Variants in R3HCC1L observed in about 807,000 individuals in gnomAD.
R3HCC1L encodes coiled-coil domain-containing protein R3HCC1L.
A neutral mutation model predicts 59.9 loss-of-function variants in R3HCC1L; 51 were observed. That is an observed-to-expected ratio of 0.85 (90% CI 0.68 to 1.07). R3HCC1L has a LOEUF of 1.07. Among genes scored for constraint, R3HCC1L ranks in the 50% least tolerant of loss-of-function variants. The probability of loss-of-function intolerance (pLI) is 0.00; values close to 1 mark genes in which losing one functional copy is unlikely to be tolerated. For synonymous variants in R3HCC1L, 322 were observed against 315.2 expected, an observed-to-expected ratio of 1.02 and a Z score of -0.23; for missense variants, 965 against 933.0, an observed-to-expected ratio of 1.03 and a Z score of -0.45.
intron 6 of R3HCC1L, among the ~76,000 whole-genome samples, chr10:98,232,142 C>T (rs1856467986): frequency 6.6e-6 from 1 of 152,066 alleles, no homozygotes; most frequent in African/African-American, 2.4e-5. Context: ...GTGTGTGTCA[C>T]CATGCCTGGC....
intron 9 of R3HCC1L, among the ~76,000 whole-genome samples, chr10:98,237,025 C>T (rs1288449958): frequency 6.6e-6 from 1 of 152,200 alleles, no homozygotes; most frequent in East Asian, 1.9e-4. Flanking sequence ...TCTAACAAGG[C>T]CATTAATACG....
chr10:98,153,526 G>T (rs1846493332), intron 1 of R3HCC1L, among the ~76,000 whole-genome samples: 2 of 148,606 alleles, frequency 1.3e-5, no homozygotes, highest in South Asian at 2.1e-4. Context: ...TTGTTCACTT[G>T]TTTGTCTGCT....
chr10:98,138,090 T>G (rs1844769210), intron 1 of R3HCC1L, among the ~76,000 whole-genome samples: 1 of 152,190 alleles, frequency 6.6e-6, no homozygotes, highest in Admixed American at 6.5e-5. Context: ...AAAAATGGTT[T>G]GTTGGTCAAG....
intron 1 of R3HCC1L, among the ~76,000 whole-genome samples, chr10:98,135,537 G>A (rs142223836): frequency 2.4e-4 from 37 of 152,306 alleles, no homozygotes; most frequent in African/African-American, 8.9e-4. Flanking sequence ...GTCTAGGTCA[G>A]TTGAGTTTTA....
chr10:98,134,696 A>G lies in R3HCC1L; in HGVS notation c.-278A>G, dbSNP rs1844346523. On this transcript the variant is annotated 5_prime_UTR_variant, in exon 1 of 10. Coordinates refer to ENST00000298999, the MANE Select transcript of R3HCC1L (RefSeq NM_001351015.2). ...GCGGAGACGGCGGAAGCGGAGAGCA[A>G]CAGCGCGCCGGTAACAACCAGCCCC... 1 of 152,304 alleles carries G rather than the reference A, an allele frequency of 6.6e-6. No homozygotes were observed. The highest frequency in any genetic ancestry group is 1.5e-5 in the Non-Finnish European group (1 of 68,094). The allele number at this position is 152,304 out of a possible 1,614,324, so 9.4% of individuals were successfully genotyped here.
At position 98,225,463 on chromosome 10, in the gene R3HCC1L, A is replaced by G. The variant is rs537325603; in HGVS notation, c.1786-6049A>G. On this transcript the variant is annotated intron_variant, in intron 5 of 9. Transcript: ENST00000298999. ...AAGAAAGTTCCATTAACAGTATGAT[A>G]TCCTATCTCCACAAAAAAAAATGTG... Among the ~76,000 whole-genome samples the G allele has an allele frequency of 1.4e-4, 22 of 152,286 alleles. No individual in the cohort carries two copies. In the South Asian group the frequency reaches 4.6e-3, roughly 32 times the overall value.
chr10:98,187,030 AC>A (rs949668593), intron 4 of R3HCC1L, among the ~76,000 whole-genome samples: 1 of 152,104 alleles, frequency 6.6e-6, no homozygotes, highest in Non-Finnish European at 1.5e-5. Context: ...AAGAGTTGTT[AC>A]AAAGGTTAAG....
At chr10:98,236,822 G>A (rs1165384558) in intron 9 of R3HCC1L, among the ~76,000 whole-genome samples, 1 of 152,182 alleles carries the variant, frequency 6.6e-6, no homozygotes, top group Non-Finnish European at 1.5e-5. Flanking sequence ...TGAATTGTAT[G>A]TAAAGGCTTG....
At chr10:98,183,119 G>A (rs1849822246) in intron 4 of R3HCC1L, among the ~76,000 whole-genome samples, 1 of 152,152 alleles carries the variant, frequency 6.6e-6, no homozygotes, top group Admixed American at 6.5e-5. Flanking sequence ...CGTTTTCTGT[G>A]TCAGTCACAC....
chr10:98,159,133 A>C (rs907000190), intron 2 of R3HCC1L, among the ~76,000 whole-genome samples: 1 of 152,214 alleles, frequency 6.6e-6, no homozygotes, highest in Non-Finnish European at 1.5e-5. Context: ...AAAGACTGCA[A>C]GACAGTTATT....
chr10:98,190,636 T>G (rs1850725674), intron 4 of R3HCC1L, among the ~76,000 whole-genome samples: 1 of 152,140 alleles, frequency 6.6e-6, no homozygotes, highest in South Asian at 2.1e-4. Context: ...GTGCATATAT[T>G]AAGGGTAAGT....
At chr10:98,240,209 G>A (rs1354412461) in intron 9 of R3HCC1L, among the ~76,000 whole-genome samples, 3 of 152,178 alleles carry the variant, frequency 2.0e-5, no homozygotes, top group Non-Finnish European at 4.4e-5. Context: ...AGCAGGCTGA[G>A]GCAGGAGAAT....
At chr10:98,165,428 AATT>A (rs1425883601) in intron 4 of R3HCC1L, among the ~76,000 whole-genome samples, 13 of 152,178 alleles carry the variant, frequency 8.5e-5, no homozygotes, top group Non-Finnish European at 1.9e-4. Flanking sequence ...CTTTTCCAGG[AATT>A]ATTATAGTAG....
At chr10:98,154,908 C>T (rs1190887558) in intron 1 of R3HCC1L, among the ~76,000 whole-genome samples, 1 of 152,058 alleles carries the variant, frequency 6.6e-6, no homozygotes, top group Non-Finnish European at 1.5e-5. Flanking sequence ...TTATCAGTTT[C>T]TCATAAAGAA....
chr10:98,235,993 C>T (rs370122774), intron 8 of R3HCC1L, 31 bp from the exon 9 acceptor site: 21 of 1,599,958 alleles, frequency 1.3e-5, no homozygotes, highest in Non-Finnish European at 1.6e-5. Flanking sequence ...CTTCTTGACT[C>T]CTTCCTACTC....
intron 1 of R3HCC1L, among the ~76,000 whole-genome samples, chr10:98,142,911 G>C (rs1444605776): frequency 1.3e-5 from 2 of 151,830 alleles, no homozygotes; most frequent in Non-Finnish European, 2.9e-5. Context: ...CTCTGGCCTG[G>C]GCCACAGAGT....
At chr10:98,214,354 G>A (rs2135360790) in intron 5 of R3HCC1L, among the ~76,000 whole-genome samples, 1 of 152,148 alleles carries the variant, frequency 6.6e-6, no homozygotes, top group African/African-American at 2.4e-5. Flanking sequence ...TATGGTTAGG[G>A]CATTTTTTAA....
chr10:98,180,643 G>C (rs942539975), intron 4 of R3HCC1L, among the ~76,000 whole-genome samples: 4 of 152,196 alleles, frequency 2.6e-5, no homozygotes, highest in Non-Finnish European at 5.9e-5. Flanking sequence ...TCGTTGATCT[G>C]TCTGATATTG....
rs576081014 is a variant in R3HCC1L, at chr10:98,150,377, T to C, written c.-267-5716T>C. Among the ~76,000 whole-genome samples, 15 of 152,380 alleles carry C rather than the reference T, an allele frequency of 9.8e-5. No individual in the cohort carries two copies. The East Asian group carries it at 2.5e-3, about 25-fold the overall frequency. On this transcript the variant is annotated intron_variant, in intron 1 of 9. Transcript: ENST00000298999. ...GTGGATGTGCATCTGTATATTTGCATTGAAGGATAGTTCTTTGTTCCAGTC... is the reference window on the plus strand; with the variant it reads ...GTGGATGTGCATCTGTATATTTGCACTGAAGGATAGTTCTTTGTTCCAGTC...
Sources: gnomAD v4.1 joint callset for allele counts (sites outside exome capture counted in the v4.1 genomes callset) on GRCh38, gnomAD v4.1.1 for gene constraint, MANE v1.5 for transcripts, NCBI Gene and HGNC (gene_info 2026-07-23, HGNC 2026-07-21) for gene names.